The following KLC1 variants were observed in gnomAD, a reference collection of about 807,000 sequenced individuals.
KLC1 encodes kinesin light chain 1, also known as kinesin 2 60/70kDa.
A neutral mutation model predicts 84.2 loss-of-function variants in KLC1; 30 were observed. The observed-to-expected ratio is 0.36, with a 90% CI of 0.27 to 0.48. KLC1 has a LOEUF of 0.48. Among genes scored for constraint, KLC1 ranks in the 20% least tolerant of loss-of-function variants. The pLI, the probability that KLC1 is intolerant of heterozygous loss-of-function variation, is 0.99. For missense variants in KLC1, 499 were observed against 805.4 expected (o/e 0.62, Z 4.60); for synonymous variants, 289 against 293.3 (o/e 0.99, Z 0.15).
intron 15 of KLC1, chr14:103,695,765 A>C (rs1368588837): frequency 2.0e-6 from 2 of 985,310 alleles, no homozygotes; most frequent in African/African-American, 3.5e-5. Context: ...TGGCCTCTGC[A>C]GCACTGTGGC....
chr14:103,685,700 C>T, intron 13 of KLC1: 1 of 1,289,558 alleles, frequency 7.8e-7, no homozygotes, highest in Non-Finnish European at 1.0e-6. Flanking sequence ...CCGCAGCTTC[C>T]CTTCTCTCTC....
intron 5 of KLC1, among the ~76,000 whole-genome samples, chr14:103,663,209 A>T (rs1368024780): frequency 6.6e-6 from 1 of 151,292 alleles, no homozygotes; most frequent in Non-Finnish European, 1.5e-5. Context: ...CCTCCCGAGT[A>T]GCTGGGACTT....
At chr14:103,670,339 GTTT>G (rs772308065) in intron 7 of KLC1, 56 bp downstream of exon 7, 870 of 843,016 alleles carry the variant, frequency 1.0e-3, no homozygotes, top group South Asian at 1.3e-3. Context: ...TGTGTGTGTG[GTTT>G]TTTTTTTTTT....
chr14:103,635,350 G>A (rs932568183), intron 1 of KLC1, among the ~76,000 whole-genome samples: 2 of 152,240 alleles, frequency 1.3e-5, no homozygotes, highest in African/African-American at 4.8e-5. Context: ...TAAACCCTGC[G>A]GATGTCATAT....
At chr14:103,631,226 G>A (rs1030752604) in intron 1 of KLC1, among the ~76,000 whole-genome samples, 4 of 151,928 alleles carry the variant, frequency 2.6e-5, no homozygotes, top group African/African-American at 7.3e-5. Context: ...GACCACAGGC[G>A]CCCGCCACCA....
At chr14:103,675,891 A>T (rs944792500) in intron 11 of KLC1, 135 bp downstream of exon 11, 3 of 692,436 alleles carry the variant, frequency 4.3e-6, no homozygotes, top group Non-Finnish European at 7.4e-6. Context: ...CCGAATTCCA[A>T]TTAAAAAAAC....
chr14:103,655,058 C>G (rs1419362721), intron 2 of KLC1, among the ~76,000 whole-genome samples: 1 of 151,916 alleles, frequency 6.6e-6, no homozygotes, highest in Non-Finnish European at 1.5e-5. Context: ...GAAACCCTGA[C>G]TCTACTAAAA....
intron 15 of KLC1, chr14:103,696,131 C>T (rs1385096393): frequency 9.6e-6 from 9 of 935,832 alleles, no homozygotes; most frequent in Non-Finnish European, 1.1e-5. Context: ...GCCGTGTGTG[C>T]AGCGCCCGTC....
At chr14:103,635,860 G>A (rs2077004762) in intron 1 of KLC1, among the ~76,000 whole-genome samples, 1 of 152,164 alleles carries the variant, frequency 6.6e-6, no homozygotes, top group Non-Finnish European at 1.5e-5. Flanking sequence ...ACACAGCTGT[G>A]AAGTCAAGAT....
At chr14:103,698,692 G>A in intron 15 of KLC1, 1 of 1,063,954 alleles carries the variant, frequency 9.4e-7, no homozygotes, top group Non-Finnish European at 1.4e-6. Context: ...AGCTGTGTCT[G>A]AACCAGGCTC....
intron 15 of KLC1, chr14:103,696,092 GCCCCCGCCCCCCGC>G (rs143301424): frequency 6.6e-6 from 5 of 762,908 alleles, no homozygotes; most frequent in East Asian, 2.5e-4. Context: ...TAATCACTGC[GCCCCCGCCCCCCGC>G]CCCCCCCCAC....
intron 1 of KLC1, among the ~76,000 whole-genome samples, chr14:103,633,620 C>G (rs1021613160): frequency 6.6e-6 from 1 of 152,026 alleles, no homozygotes; most frequent in Admixed American, 6.6e-5. Context: ...CCAGAATGAT[C>G]CTGTGAAAAC....
At position 103,689,377 on chromosome 14, in the gene KLC1, G is replaced by GT. The variant is rs539911978; in HGVS notation, c.1781+2167dup. On this transcript the variant is annotated intron_variant, in intron 14 of 16. Transcript: ENST00000334553. ...GTCCCCAGTGTTAGAACTGTGGTCA[G>GT]TGTTCATGGGGCTGTAGCACTGCCA... Among the ~76,000 whole-genome samples the GT allele has an allele frequency of 3.0e-3, 461 of 152,330 alleles. 2 individuals are homozygous for GT. Among genetic ancestry groups the GT allele is most frequent in the African/African-American group, 0.011 (443 of 41,564 alleles).
At chr14:103,647,868 C>A (rs2078070443) in intron 1 of KLC1, among the ~76,000 whole-genome samples, 1 of 148,266 alleles carries the variant, frequency 6.7e-6, no homozygotes, top group Non-Finnish European at 1.5e-5. Context: ...GAGCAAGACT[C>A]CATCTCAAAA....
At chr14:103,683,410 C>T in intron 13 of KLC1, 1 of 152,232 alleles carries the variant, frequency 6.6e-6, no homozygotes, top group East Asian at 1.9e-4. Context: ...TTGGCTCTCT[C>T]TCACGGTCTT....
chr14:103,695,452 G>T, intron 15 of KLC1: 1 of 984,610 alleles, frequency 1.0e-6, no homozygotes. Context: ...CCCCTGACAG[G>T]TGCCGTGGCT....
chr14:103,651,458 T>G (rs976364909), intron 1 of KLC1, among the ~76,000 whole-genome samples: 5 of 152,142 alleles, frequency 3.3e-5, no homozygotes, highest in Admixed American at 6.6e-5. Flanking sequence ...GGAGTTTAAC[T>G]TTATTTTATT....
intron 1 of KLC1, among the ~76,000 whole-genome samples, chr14:103,646,135 T>C (rs2077904718): frequency 6.6e-6 from 1 of 152,204 alleles, no homozygotes; most frequent in Non-Finnish European, 1.5e-5. Context: ...TGCACATGAC[T>C]GTATTGTACA....
chr14:103,643,345 G>A (rs767210705), intron 1 of KLC1, among the ~76,000 whole-genome samples: 11 of 152,178 alleles, frequency 7.2e-5, no homozygotes, highest in Non-Finnish European at 1.5e-5. Flanking sequence ...TGGAGGTGGT[G>A]GTGATAATCT....
Sources: allele counts gnomAD v4.1 joint callset (sites outside exome capture counted in the v4.1 genomes callset), GRCh38; gene constraint gnomAD v4.1.1; transcripts MANE v1.5; gene names NCBI Gene and HGNC (gene_info 2026-07-23, HGNC 2026-07-21).